ADCY10: variants seen among roughly 807,000 people sequenced by gnomAD.
The protein encoded by ADCY10 is adenylate cyclase type 10.
Under a neutral mutation model 183.3 loss-of-function variants are expected in ADCY10, and 156 were observed. The observed-to-expected ratio is 0.85, with a 90% CI of 0.75 to 0.97. The LOEUF (loss-of-function observed/expected upper bound fraction) is 0.97, where lower values mean the gene tolerates loss of function less well. ADCY10 is among the 50% of genes least tolerant of loss of function. ADCY10 has a pLI of 0.00. For missense variants in ADCY10, 1,745 were observed against 1,934.3 expected (o/e 0.90, Z 1.84); for synonymous variants, 645 against 670.0 (o/e 0.96, Z 0.58).
chr1:167,883,411 G>T, intron 9 of ADCY10, 26 bp downstream of exon 9: 1 of 1,611,754 alleles, frequency 6.2e-7, no homozygotes, highest in Non-Finnish European at 8.5e-7. Context: ...CTATTGGTAG[G>T]TTCCCATCCC....
At chr1:167,839,309 A>G (rs1231865973) in intron 21 of ADCY10, among the ~76,000 whole-genome samples, 1 of 152,228 alleles carries the variant, frequency 6.6e-6, no homozygotes, top group East Asian at 1.9e-4. Context: ...AATACTGGGT[A>G]GGACTTTTAG....
At chr1:167,867,625 A>G (rs181154505) in intron 14 of ADCY10, among the ~76,000 whole-genome samples, 1 of 152,322 alleles carries the variant, frequency 6.6e-6, no homozygotes, top group African/African-American at 2.4e-5. Flanking sequence ...GTTTTTTAAA[A>G]TAAATTAAGG....
rs1206741145 is a variant in ADCY10, at chr1:167,902,058, A to AG, written c.254-5dup. ...TCTCCTCCAAAAATCAACACTTCTGAGAAAAAAAAAAAAAATTAAATCAAA... is the reference window on the plus strand; with the variant it reads ...TCTCCTCCAAAAATCAACACTTCTGAGGAAAAAAAAAAAAAATTAAATCAAA... On this transcript the variant is annotated splice_polypyrimidine_tract_variant and splice_region_variant and intron_variant, in intron 3 of 32. Coordinates refer to ENST00000367851, the MANE Select transcript of ADCY10 (RefSeq NM_018417.6). The AG allele has an allele frequency of 1.3e-6, 2 of 1,599,840 alleles. No individual in the cohort carries two copies. Among genetic ancestry groups the AG allele is most frequent in the Non-Finnish European group, 1.7e-6 (2 of 1,177,088 alleles).
chr1:167,872,864 G>T (rs1443629404), intron 13 of ADCY10, among the ~76,000 whole-genome samples: 2 of 151,348 alleles, frequency 1.3e-5, no homozygotes, highest in Admixed American at 6.6e-5. Flanking sequence ...GAGATCAGGA[G>T]TTCAAGACCA....
intron 7 of ADCY10, among the ~76,000 whole-genome samples, chr1:167,895,470 T>TA (rs755130794): frequency 1.4e-4 from 22 of 152,302 alleles, no homozygotes; most frequent in Non-Finnish European, 2.8e-4. Flanking sequence ...GACCTGTACA[T>TA]AAATGATGAG....
intron 13 of ADCY10, among the ~76,000 whole-genome samples, 159 bp from the exon 14 acceptor site, chr1:167,870,569 G>A (rs1667029622): frequency 6.7e-6 from 1 of 148,312 alleles, no homozygotes; most frequent in Non-Finnish European, 1.5e-5. Flanking sequence ...GAGGTGGGCG[G>A]ATCTGCTGAG....
intron 14 of ADCY10, among the ~76,000 whole-genome samples, chr1:167,866,974 C>A (rs1666744222): frequency 6.6e-6 from 1 of 152,080 alleles, no homozygotes; most frequent in African/African-American, 2.4e-5. Flanking sequence ...ACATAAAGTC[C>A]CCCCCATGCT....
At position 167,901,809 on chromosome 1, in the gene ADCY10, CAG is replaced by C; in HGVS notation, c.293-6_293-5del. The C allele has an allele frequency of 6.2e-7, 1 of 1,614,200 alleles. No individual in the cohort carries two copies. The highest frequency in any genetic ancestry group is 8.5e-7 in the Non-Finnish European group (1 of 1,180,044). On this transcript the variant is annotated splice_polypyrimidine_tract_variant and splice_region_variant and intron_variant, in intron 4 of 32. Transcript: ENST00000367851. ...CACAGGGCTAGCAGTGCATCACCTT[CAG>C]AGAGAGACATGCCGCGGGCTTTTGA...
intron 30 of ADCY10, chr1:167,819,892 G>A: frequency 1.1e-6 from 1 of 903,520 alleles, no homozygotes. Flanking sequence ...AATATTTAAA[G>A]CCAAATCGGA....
chr1:167,892,179 C>T (rs1351876467), intron 8 of ADCY10, among the ~76,000 whole-genome samples: 1 of 152,038 alleles, frequency 6.6e-6, no homozygotes, highest in Non-Finnish European at 1.5e-5. Context: ...GCCATGTTGT[C>T]CAGGCTGGTC....
intron 17 of ADCY10, among the ~76,000 whole-genome samples, chr1:167,855,187 G>A (rs1461051419): frequency 6.6e-6 from 1 of 152,150 alleles, no homozygotes; most frequent in Non-Finnish European, 1.5e-5. Context: ...GGGCGTAGTG[G>A]GGCATGCCTG....
rs200037968 is a variant in ADCY10 at position 167,822,034 on chromosome 1, C to T, written c.4276G>A (p.Val1426Ile). Residue 1426 changes from valine to isoleucine, a missense_variant, in exon 30 of 33, where the codon GTA becomes ATA. By Grantham distance (29) the Val-to-Ile change is conservative (BLOSUM62 3). Coordinates refer to ENST00000367851, the MANE Select transcript of ADCY10 (RefSeq NM_018417.6). The stretch of plus-strand genomic sequence containing the variant: ...GCCACACATTGTTACCAGATAGCTA[C>T]AGAGGAATAAAGTCCCAGGAGGAGT... The part of the protein sequence containing the change: ...SGLLLGLYSS[V>I]AIWYARLQEW... The T allele has an allele frequency of 7.6e-6, 12 of 1,575,884 alleles. No homozygotes were observed. In the African/African-American group the frequency reaches 1.6e-4, roughly 21 times the overall value.
intron 5 of ADCY10, 100 bp downstream of exon 5, chr1:167,901,562 G>C (rs888350062): frequency 5.2e-5 from 64 of 1,240,038 alleles, no homozygotes; most frequent in Non-Finnish European, 7.4e-5. Context: ...ATGGGGCTGA[G>C]CCACCATGTT....
chr1:167,908,440 A>G (rs1257261936), intron 1 of ADCY10, among the ~76,000 whole-genome samples: 3 of 152,162 alleles, frequency 2.0e-5, no homozygotes. Flanking sequence ...GAAGGATACA[A>G]AGTTTCAATT....
intron 11 of ADCY10, among the ~76,000 whole-genome samples, chr1:167,879,078 C>T (rs191527319): frequency 3.0e-4 from 45 of 152,296 alleles, no homozygotes; most frequent in Non-Finnish European, 5.9e-4. Flanking sequence ...GGCGATTTCT[C>T]GATTTAGTAA....
intron 12 of ADCY10, 141 bp from the exon 13 acceptor site, chr1:167,875,327 G>A (rs1175085568): frequency 2.3e-5 from 18 of 795,260 alleles, no homozygotes; most frequent in Middle Eastern, 2.3e-4. Flanking sequence ...GGTCGCAAAC[G>A]CCAAAAGAAG....
At chr1:167,848,283 T>C (rs1665196485) in intron 19 of ADCY10, 78 bp downstream of exon 19, 1 of 1,243,568 alleles carries the variant, frequency 8.0e-7, no homozygotes, top group African/African-American at 1.5e-5. Flanking sequence ...ACTCCTGACC[T>C]TGTGATCCGC....
At chr1:167,880,352 G>A (rs1667785019) in intron 10 of ADCY10, 139 bp downstream of exon 10, 2 of 952,570 alleles carry the variant, frequency 2.1e-6, no homozygotes, top group South Asian at 2.7e-5. Context: ...GCCCGGAGAT[G>A]CGAAGGAGGA....
chr1:167,912,606 T>TG lies in ADCY10; in HGVS notation c.-59+1369dup, dbSNP rs1296275321. Among the ~76,000 whole-genome samples, 15 of 152,366 alleles carry TG rather than the reference T, an allele frequency of 9.8e-5. No homozygotes were observed. The South Asian group carries it at 2.3e-3, about 23-fold the overall frequency. ...TATACCTAGCTGACGTCCACCCCACTGGGGGTTCCCTCTCTCGGCTTTGGA... is the reference window on the plus strand; with the variant it reads ...TATACCTAGCTGACGTCCACCCCACTGGGGGGTTCCCTCTCTCGGCTTTGGA... On this transcript the variant is annotated intron_variant, in intron 1 of 32. Coordinates refer to ENST00000367851, the MANE Select transcript of ADCY10 (RefSeq NM_018417.6).
Sources: allele counts gnomAD v4.1 joint callset (sites outside exome capture counted in the v4.1 genomes callset), GRCh38; gene constraint gnomAD v4.1.1; transcripts MANE v1.5; gene names NCBI Gene and HGNC (gene_info 2026-07-23, HGNC 2026-07-21).